Variants in PHF2 observed in about 807,000 individuals in gnomAD.
PHF2 encodes PHD finger protein 2.
Under a neutral mutation model 120.5 loss-of-function variants are expected in PHF2, and 27 were observed. The observed-to-expected ratio is 0.22, with a 90% CI of 0.17 to 0.31. The LOEUF (loss-of-function observed/expected upper bound fraction) is 0.31. PHF2 is among the 10% of genes least tolerant of loss of function. PHF2 has a pLI of 1.00. For synonymous variants in PHF2, 568 were observed against 592.5 expected (o/e 0.96, Z 0.60); for missense variants, 1,024 against 1,434.8 (o/e 0.71, Z 4.63).
chr9:93,628,272 C>T (rs565101272), intron 1 of PHF2, among the ~76,000 whole-genome samples: 1 of 152,172 alleles, frequency 6.6e-6, no homozygotes, highest in Non-Finnish European at 1.5e-5. Flanking sequence ...ATGTTCCCCC[C>T]TCTTCTATTT....
At chr9:93,668,968 A>G (rs2118067407) in intron 17 of PHF2, among the ~76,000 whole-genome samples, 1 of 152,374 alleles carries the variant, frequency 6.6e-6, no homozygotes, top group Non-Finnish European at 1.5e-5. Context: ...GGAGGAAAAT[A>G]TGTTAATTTA....
At chr9:93,613,196 C>G (rs1825666397) in intron 1 of PHF2, among the ~76,000 whole-genome samples, 1 of 152,240 alleles carries the variant, frequency 6.6e-6, no homozygotes, top group South Asian at 2.1e-4. Flanking sequence ...TTGGGGTTTT[C>G]TTTGAGCAAA....
In PHF2 at chr9:93,673,880, G is replaced by T. The variant is rs369709048; in HGVS notation, c.2626+18G>T. 1.3e-6 allele frequency: 2 copies of T among 1,566,674 alleles called. No individual in the cohort carries two copies. Among genetic ancestry groups the T allele is most frequent in the East Asian group, 2.3e-5 (1 of 44,060 alleles). On this transcript the variant is annotated intron_variant, in intron 18 of 21. Transcript: ENST00000359246. ...AGACTACGGTGAGTGTCACTCCTGC[G>T]TGGGGCAGGGCCCATGCTCAGCCCT...
intron 1 of PHF2, among the ~76,000 whole-genome samples, chr9:93,594,659 C>T (rs1350247717): frequency 6.6e-6 from 1 of 152,180 alleles, no homozygotes; most frequent in Non-Finnish European, 1.5e-5. Context: ...CTCCCAGTGA[C>T]AGCATGAGTG....
At chr9:93,615,318 GTGA>G (rs780513391) in intron 1 of PHF2, among the ~76,000 whole-genome samples, 17 of 150,322 alleles carry the variant, frequency 1.1e-4, no homozygotes, top group Non-Finnish European at 1.8e-4. Context: ...GATAGTGATA[GTGA>G]TGATGGTGAT....
At chr9:93,649,618 C>T (rs191138285) in intron 5 of PHF2, among the ~76,000 whole-genome samples, 9 of 152,066 alleles carry the variant, frequency 5.9e-5, no homozygotes, top group East Asian at 3.9e-4. Flanking sequence ...CACCCACTTC[C>T]GGACACACAA....
intron 1 of PHF2, among the ~76,000 whole-genome samples, chr9:93,597,576 C>G (rs1825358500): frequency 6.6e-6 from 1 of 152,078 alleles, no homozygotes; most frequent in Admixed American, 6.5e-5. Flanking sequence ...GGACATTGGT[C>G]CACAGCATGG....
chr9:93,629,474 A>C (rs1825963458), intron 1 of PHF2, among the ~76,000 whole-genome samples: 1 of 152,082 alleles, frequency 6.6e-6, no homozygotes, highest in African/African-American at 2.4e-5. Flanking sequence ...AGTCCTGGAC[A>C]TGTCCTAAGG....
At position 93,676,717 on chromosome 9, in the gene PHF2, A is replaced by ATCACCCCTGCCT; in HGVS notation, c.2956_2957insTCACCCCTGCCT (p.Thr986delinsIleThrProAlaSer). 1.9e-6 allele frequency: 3 copies of ATCACCCCTGCCT among 1,555,664 alleles called. No homozygotes were observed. The highest frequency in any genetic ancestry group is 2.6e-6 in the Non-Finnish European group (3 of 1,150,914). On this transcript the variant is annotated protein_altering_variant, in exon 21 of 22. Coordinates refer to ENST00000359246, the MANE Select transcript of PHF2 (RefSeq NM_005392.4). Reference sequence around the variant, plus strand: ...CTCCACCTCCACCACGCCAGCCTCTACCACCCCGGCCTCCACCACCCCGGC... The same window carrying ATCACCCCTGCCT: ...CTCCACCTCCACCACGCCAGCCTCTATCACCCCTGCCTCCACCCCGGCCTCCACCACCCCGGC...
chr9:93,639,567 T>C (rs1167219012), intron 3 of PHF2, among the ~76,000 whole-genome samples: 1 of 152,180 alleles, frequency 6.6e-6, no homozygotes, highest in East Asian at 1.9e-4. Flanking sequence ...CTGTATTTAT[T>C]TTTCTTACCT....
chr9:93,651,129 C>A (rs1208605292), intron 5 of PHF2, among the ~76,000 whole-genome samples: 1 of 149,590 alleles, frequency 6.7e-6, no homozygotes, highest in Non-Finnish European at 1.5e-5. Context: ...AATGGGCATT[C>A]ATTTTGGTTG....
In PHF2 at chr9:93,656,920, A is replaced by T. The variant is rs1826471979; in HGVS notation, c.1147+325A>T. Among the ~76,000 whole-genome samples the T allele has an allele frequency of 6.6e-6, 1 of 151,976 alleles. No individual in the cohort carries two copies. The highest frequency in any genetic ancestry group is 2.4e-5 in the African/African-American group (1 of 41,374). ...ACCCTCCACACTTGCCTCCATTGGGAGGGTGGAGCCCTGGCTCTGTCACCA... is the reference window on the plus strand; with the variant it reads ...ACCCTCCACACTTGCCTCCATTGGGTGGGTGGAGCCCTGGCTCTGTCACCA... On this transcript the variant is annotated intron_variant, in intron 9 of 21. Transcript: ENST00000359246. The surrounding 1 kb of genome is among the most constrained non-coding windows in gnomAD (Gnocchi z 4.1).
chr9:93,600,682 A>C (rs1825423196), intron 1 of PHF2, among the ~76,000 whole-genome samples: 1 of 152,206 alleles, frequency 6.6e-6, no homozygotes, highest in Admixed American at 6.5e-5. Flanking sequence ...AAATGGTAAC[A>C]CAGGCTCCAT....
chr9:93,583,000 T>G (rs1862961718), intron 1 of PHF2, among the ~76,000 whole-genome samples: 1 of 152,234 alleles, frequency 6.6e-6, no homozygotes, highest in African/African-American at 2.4e-5. Context: ...CACCTTTATC[T>G]AGTTCCCAAA....
At chr9:93,641,201 C>T (rs1420812139) in intron 3 of PHF2, among the ~76,000 whole-genome samples, 1 of 152,156 alleles carries the variant, frequency 6.6e-6, no homozygotes, top group Admixed American at 6.5e-5. Context: ...AATGCTTTCC[C>T]CATGTCCAGT....
At chr9:93,620,518 C>A (rs887472993) in intron 1 of PHF2, among the ~76,000 whole-genome samples, 9 of 152,160 alleles carry the variant, frequency 5.9e-5, no homozygotes, top group Non-Finnish European at 5.9e-5. Flanking sequence ...AGGTGGCCCA[C>A]GATGGGCTTC....
In PHF2 at chr9:93,632,190, G is replaced by A. The variant is rs144225284; in HGVS notation, c.184+2135G>A. Among the ~76,000 whole-genome samples, 1,152 of 152,324 alleles carry A rather than the reference G, an allele frequency of 7.6e-3. 6 individuals carry two copies. The highest frequency in any genetic ancestry group is 0.012 in the Non-Finnish European group (827 of 68,032). Reference sequence around the variant, plus strand: ...AGGCCTGGTGTCCCAACCTGCCCTTGATTGCAGCTAAAACCTCAGTGCAGG... The same window carrying A: ...AGGCCTGGTGTCCCAACCTGCCCTTAATTGCAGCTAAAACCTCAGTGCAGG... On this transcript the variant is annotated intron_variant, in intron 2 of 21. Coordinates refer to ENST00000359246, the MANE Select transcript of PHF2 (RefSeq NM_005392.4).
chr9:93,615,070 ATGG>A (rs761936945), intron 1 of PHF2, among the ~76,000 whole-genome samples: 7 of 150,996 alleles, frequency 4.6e-5, no homozygotes, highest in South Asian at 2.1e-4. Flanking sequence ...GGTGACAGTG[ATGG>A]TGGTGATGGT....
chr9:93,581,922 G>C (rs564640422), intron 1 of PHF2, among the ~76,000 whole-genome samples: 1 of 152,178 alleles, frequency 6.6e-6, no homozygotes, highest in African/African-American at 2.4e-5. Context: ...AGTTCTCTGG[G>C]AGAATCTCAC....
Sources: gnomAD v4.1 joint callset for allele counts (sites outside exome capture counted in the v4.1 genomes callset) on GRCh38, gnomAD v4.1.1 for gene constraint, Gnocchi (gnomAD v3.1) non-coding constraint, MANE v1.5 for transcripts, NCBI Gene and HGNC (gene_info 2026-07-23, HGNC 2026-07-21) for gene names.